The following PRKG1 variants were observed in gnomAD, a reference collection of about 807,000 sequenced individuals.
PRKG1 encodes protein kinase cGMP-dependent 1.
A neutral mutation model predicts 88.1 loss-of-function variants in PRKG1; 35 were observed. That is an observed-to-expected ratio of 0.40 (90% CI 0.30 to 0.53). The LOEUF (loss-of-function observed/expected upper bound fraction) is 0.53. PRKG1 is among the 20% of genes least tolerant of loss of function. The pLI, the probability that PRKG1 is intolerant of heterozygous loss-of-function variation, is 0.59. For missense variants in PRKG1, 540 were observed against 839.8 expected (o/e 0.64, Z 4.41); for synonymous variants, 303 against 292.5 (o/e 1.04, Z -0.37).
At chr10:52,248,165 C>T (rs1376119556) in intron 9 of PRKG1, among the ~76,000 whole-genome samples, 2 of 152,062 alleles carry the variant, frequency 1.3e-5, no homozygotes, top group Non-Finnish European at 2.9e-5. Flanking sequence ...TGTTCCTGGC[C>T]CTCATTCCTG....
intron 2 of PRKG1, among the ~76,000 whole-genome samples, chr10:51,334,692 C>T (rs1841829146): frequency 6.6e-6 from 1 of 152,102 alleles, no homozygotes; most frequent in Non-Finnish European, 1.5e-5. Flanking sequence ...TGAACTCCCA[C>T]CCATTTCTGA....
At chr10:52,205,024 C>T (rs961736570) in intron 9 of PRKG1, among the ~76,000 whole-genome samples, 5 of 152,064 alleles carry the variant, frequency 3.3e-5, no homozygotes, top group African/African-American at 1.2e-4. Context: ...AATGGCTGCC[C>T]TGGGAGTGTC....
chr10:51,758,674 G>T (rs538089753), intron 3 of PRKG1, among the ~76,000 whole-genome samples: 2 of 152,090 alleles, frequency 1.3e-5, no homozygotes, highest in Admixed American at 6.6e-5. Flanking sequence ...CCAGGCCTGT[G>T]ATTTTTTTTT....
chr10:51,067,576 A>ATAGATGATTTTCTAAAGAAAC (rs1843768716), intron 1 of PRKG1, among the ~76,000 whole-genome samples: 1 of 152,064 alleles, frequency 6.6e-6, no homozygotes. Context: ...TGTAGTCAAC[A>ATAGATGATTTTCTAAAGAAAC]TAGATGATTT....
At chr10:52,218,248 TTTTTGG>T (rs1229746596) in intron 9 of PRKG1, among the ~76,000 whole-genome samples, 6 of 151,730 alleles carry the variant, frequency 4.0e-5, no homozygotes, top group Non-Finnish European at 8.8e-5. Flanking sequence ...TACAGTTTTT[TTTTTGG>T]TTTTGGGGGA....
intron 5 of PRKG1, among the ~76,000 whole-genome samples, chr10:51,935,452 G>A (rs924899659): frequency 6.6e-6 from 1 of 152,034 alleles, no homozygotes; most frequent in Non-Finnish European, 1.5e-5. Flanking sequence ...TCCTACAACT[G>A]GATTTCAGTA....
At chr10:51,016,253 A>T (rs921768968) in intron 1 of PRKG1, among the ~76,000 whole-genome samples, 1 of 152,160 alleles carries the variant, frequency 6.6e-6, no homozygotes, top group African/African-American at 2.4e-5. Flanking sequence ...TAAAACATCA[A>T]GTTGCACTGT....
intron 5 of PRKG1, among the ~76,000 whole-genome samples, chr10:52,033,792 C>G (rs955856226): frequency 1.3e-5 from 2 of 152,006 alleles, no homozygotes; most frequent in African/African-American, 4.8e-5. Flanking sequence ...ACCAAACAGG[C>G]TTTGTGTGAG....
intron 3 of PRKG1, 108 bp from the exon 4 acceptor site, chr10:51,804,477 C>CA (rs1839254100): frequency 1.4e-6 from 1 of 733,286 alleles, no homozygotes; most frequent in East Asian, 2.7e-5. Context: ...AAAAGTCAAT[C>CA]ATTTTCATGA....
At chr10:51,463,432 C>T (rs960408757) in intron 2 of PRKG1, among the ~76,000 whole-genome samples, 1 of 152,106 alleles carries the variant, frequency 6.6e-6, no homozygotes, top group Non-Finnish European at 1.5e-5. Context: ...AGTTCATCTA[C>T]TTTCTATGCA....
chr10:51,763,094 T>C (rs1315253808), intron 3 of PRKG1, among the ~76,000 whole-genome samples: 1 of 152,226 alleles, frequency 6.6e-6, no homozygotes, highest in African/African-American at 2.4e-5. Context: ...TTATAATCTA[T>C]ATGATAATAT....
rs1462024928 is a variant in PRKG1 at position 52,212,595 on chromosome 10, T to C, written c.1077-38975T>C. 2.0e-5 allele frequency among the ~76,000 whole-genome samples: 3 copies of C among 148,880 alleles called. 1 individual carries two copies. The highest frequency in any genetic ancestry group is 4.4e-5 in the Non-Finnish European group (3 of 67,614). On this transcript the variant is annotated intron_variant, in intron 9 of 17. Transcript: ENST00000373980. ...TCTATCTTTTCATCCATATGGCTGT[T>C]GGGGGGAGAGGGGTGGTGTAGGGGA...
intron 3 of PRKG1, among the ~76,000 whole-genome samples, chr10:51,677,880 A>G (rs1243921526): frequency 6.6e-6 from 1 of 152,230 alleles, no homozygotes; most frequent in Non-Finnish European, 1.5e-5. Context: ...TAGGTGAGAT[A>G]GGGACATGGA....
intron 3 of PRKG1, among the ~76,000 whole-genome samples, chr10:51,584,332 A>G (rs549841896): frequency 5.5e-4 from 83 of 152,204 alleles, no homozygotes; most frequent in African/African-American, 1.9e-3. Flanking sequence ...CTCCAAGAAT[A>G]GACTACTACA....
At chr10:51,037,493 C>G (rs1171397534) in intron 1 of PRKG1, among the ~76,000 whole-genome samples, 1 of 151,180 alleles carries the variant, frequency 6.6e-6, no homozygotes, top group Non-Finnish European at 1.5e-5. Flanking sequence ...ACAAAACAAA[C>G]AAAAAACTGG....
At chr10:51,301,174 T>C (rs1054248776) in intron 2 of PRKG1, among the ~76,000 whole-genome samples, 1 of 152,218 alleles carries the variant, frequency 6.6e-6, no homozygotes, top group Non-Finnish European at 1.5e-5. Context: ...CTCATTCATT[T>C]CCTTCACTAA....
chr10:51,480,704 T>C (rs959866203), intron 3 of PRKG1, among the ~76,000 whole-genome samples: 4 of 152,176 alleles, frequency 2.6e-5, no homozygotes, highest in African/African-American at 9.7e-5. Context: ...TTAATAACAG[T>C]ATTAAGCTCA....
intron 9 of PRKG1, among the ~76,000 whole-genome samples, chr10:52,204,228 G>T (rs1293499252): frequency 6.6e-6 from 1 of 152,028 alleles, no homozygotes; most frequent in Non-Finnish European, 1.5e-5. Flanking sequence ...CTCCTGGGTA[G>T]CTGAGATTAC....
chr10:51,769,251 CA>C (rs1351261848), intron 3 of PRKG1, among the ~76,000 whole-genome samples: 1 of 152,148 alleles, frequency 6.6e-6, no homozygotes, highest in Admixed American at 6.5e-5. Context: ...GATTCTTGTT[CA>C]CACTTAAATT....
Sources: allele counts gnomAD v4.1 joint callset (sites outside exome capture counted in the v4.1 genomes callset), GRCh38; gene constraint gnomAD v4.1.1; transcripts MANE v1.5; gene names NCBI Gene and HGNC (gene_info 2026-07-23, HGNC 2026-07-21).